The following ANKFN1 variants were observed in gnomAD, a reference collection of about 807,000 sequenced individuals.
ANKFN1 encodes the protein ankyrin repeat and fibronectin type III domain containing 1, also known as ankyrin repeat and fibronectin type-III domain-containing protein 1.
In ANKFN1, 74 loss-of-function variants were observed where a neutral mutation model predicts 108.7. That is an observed-to-expected ratio of 0.68 (90% CI 0.56 to 0.83). The LOEUF (loss-of-function observed/expected upper bound fraction) is 0.83, where lower values mean the gene tolerates loss of function less well. Ranked by LOEUF, ANKFN1 falls within the 40% of genes least tolerant of loss-of-function variation. The probability of loss-of-function intolerance (pLI) is 0.00; values close to 1 mark genes in which losing one functional copy is unlikely to be tolerated. For missense variants in ANKFN1, 1,505 were observed against 1,382.3 expected, an observed-to-expected ratio of 1.09 and a Z score of -1.41; for synonymous variants, 547 against 516.2, an observed-to-expected ratio of 1.06 and a Z score of -0.81.
chr17:56,174,037 C>A (rs898769716), intron 1 of ANKFN1: 3 of 333,108 alleles, frequency 9.0e-6, no homozygotes, highest in African/African-American at 4.5e-5. Context: ...CAGGTCCATG[C>A]CATCTGCCAG....
intron 20 of ANKFN1, among the ~76,000 whole-genome samples, chr17:56,509,769 T>C (rs2051685094): frequency 6.6e-6 from 1 of 152,236 alleles, no homozygotes; most frequent in Admixed American, 6.5e-5. Context: ...CTTCTAGTTC[T>C]AGTCCCTAAA....
intron 14 of ANKFN1, among the ~76,000 whole-genome samples, chr17:56,465,475 T>C (rs1023346757): frequency 6.6e-6 from 1 of 152,198 alleles, no homozygotes; most frequent in Non-Finnish European, 1.5e-5. Context: ...TCTATTTCTG[T>C]ATTCATGCTA....
intron 8 of ANKFN1, among the ~76,000 whole-genome samples, chr17:56,401,368 A>ATTGTATTGTGTTGTG (rs55888620): frequency 5.8e-4 from 79 of 135,636 alleles, no homozygotes; most frequent in Non-Finnish European, 7.4e-4. Context: ...ATTGTATTGT[A>ATTGTATTGTGTTGTG]TTGTGTTGTG....
chr17:56,260,822 G>A (rs1250082293), intron 3 of ANKFN1, among the ~76,000 whole-genome samples: 1 of 152,130 alleles, frequency 6.6e-6, no homozygotes, highest in East Asian at 1.9e-4. Flanking sequence ...AGGTCCAAAC[G>A]ATGTCACCTG....
At chr17:56,296,010 C>T (rs2144337134) in intron 3 of ANKFN1, among the ~76,000 whole-genome samples, 1 of 152,252 alleles carries the variant, frequency 6.6e-6, no homozygotes, top group African/African-American at 2.4e-5. Context: ...ACTATGGATA[C>T]ACATGTATTA....
intron 8 of ANKFN1, among the ~76,000 whole-genome samples, chr17:56,381,479 A>G (rs1285391663): frequency 6.6e-6 from 1 of 152,216 alleles, no homozygotes; most frequent in Non-Finnish European, 1.5e-5. Flanking sequence ...CAGACGATCA[A>G]ACTACTCCGA....
chr17:56,330,308 G>A (rs576822251), intron 4 of ANKFN1, among the ~76,000 whole-genome samples: 2 of 152,016 alleles, frequency 1.3e-5, no homozygotes, highest in Non-Finnish European at 2.9e-5. Flanking sequence ...ACTTGTGCAG[G>A]GGAACTCCCA....
chr17:56,080,225 C>A (rs1905229467), intron 4 of ANKFN1, among the ~76,000 whole-genome samples: 1 of 152,202 alleles, frequency 6.6e-6, no homozygotes, highest in Non-Finnish European at 1.5e-5. Context: ...GAGCAATTAA[C>A]AGTACCTGTC....
chr17:56,142,150 C>T (rs1402003063), intron 4 of ANKFN1, among the ~76,000 whole-genome samples: 9 of 152,038 alleles, frequency 5.9e-5, no homozygotes, highest in African/African-American at 1.7e-4. Context: ...AGGATGGTTT[C>T]GATCTCTTGA....
chr17:56,174,247 G>C (rs945884921), intron 1 of ANKFN1: 4 of 985,542 alleles, frequency 4.1e-6, no homozygotes, highest in Non-Finnish European at 4.8e-6. Flanking sequence ...AAAGACTTGT[G>C]AGCCCACTCA....
chr17:56,226,305 A>T (rs748005327), intron 2 of ANKFN1, among the ~76,000 whole-genome samples: 1 of 152,206 alleles, frequency 6.6e-6, no homozygotes, highest in Non-Finnish European at 1.5e-5. Context: ...TAAGAAATTC[A>T]GTCCAATAAA....
At chr17:56,509,619 G>T (rs1472479266) in intron 20 of ANKFN1, among the ~76,000 whole-genome samples, 2 of 152,190 alleles carry the variant, frequency 1.3e-5, no homozygotes, top group African/African-American at 4.8e-5. Flanking sequence ...TTAAGATTTT[G>T]TAACTAAACA....
chr17:56,437,318 GTA>G (rs2145145597), intron 8 of ANKFN1, among the ~76,000 whole-genome samples: 1 of 152,206 alleles, frequency 6.6e-6, no homozygotes, highest in East Asian at 1.9e-4. Context: ...TCTAAAGATC[GTA>G]TCTCTGAAAA....
At chr17:56,466,638 T>G in intron 15 of ANKFN1, 67 bp downstream of exon 15, 9 of 1,382,592 alleles carry the variant, frequency 6.5e-6, no homozygotes, top group Non-Finnish European at 8.0e-6. Flanking sequence ...GAAGGTCTAG[T>G]GAAATATTGC....
chr17:56,143,308 C>A (rs1353222948), intron 4 of ANKFN1, among the ~76,000 whole-genome samples: 1 of 152,136 alleles, frequency 6.6e-6, no homozygotes, highest in Non-Finnish European at 1.5e-5. Context: ...ATCCTGCCAA[C>A]ACTCAAGTGC....
chr17:56,442,386 A>G (rs2049135219), intron 9 of ANKFN1, among the ~76,000 whole-genome samples: 1 of 152,204 alleles, frequency 6.6e-6, no homozygotes, highest in African/African-American at 2.4e-5. Context: ...AAAGATATTT[A>G]TTATAACTTA....
intron 4 of ANKFN1, among the ~76,000 whole-genome samples, chr17:56,055,782 T>C (rs919525610): frequency 1.9e-4 from 29 of 151,226 alleles, no homozygotes; most frequent in African/African-American, 6.1e-4. Context: ...CTATTTTTAG[T>C]TCTTTGAGAA....
Position 56,480,654 on chromosome 17 carries a change from G to A in ANKFN1, c.1941-14G>A, listed in dbSNP as rs534107277. 1 of 1,611,938 alleles carries A rather than the reference G, an allele frequency of 6.2e-7. No individual in the cohort carries two copies. The highest frequency in any genetic ancestry group is 8.5e-7 in the Non-Finnish European group (1 of 1,178,798). ...TTTGTTATATTTCTAATTTTAACTT[G>A]ACTCAACATACAGAGAGGAATGGGA... On this transcript the variant is annotated splice_polypyrimidine_tract_variant and intron_variant, in intron 16 of 20. Coordinates refer to ENST00000682825, the MANE Select transcript of ANKFN1 (RefSeq NM_001370326.1).
At chr17:56,167,316 C>CATATATATATATAT (rs1469508922) in intron 1 of ANKFN1, among the ~76,000 whole-genome samples, 7 of 75,748 alleles carry the variant, frequency 9.2e-5, no homozygotes, top group Middle Eastern at 5.1e-3. Flanking sequence ...CACACACACA[C>CATATATATATATAT]ACATATATAT....
Sources: gnomAD v4.1 joint callset for allele counts (sites outside exome capture counted in the v4.1 genomes callset) on GRCh38, gnomAD v4.1.1 for gene constraint, MANE v1.5 for transcripts, NCBI Gene and HGNC (gene_info 2026-07-23, HGNC 2026-07-21) for gene names.